The following CFAP74 variants were observed in gnomAD, a reference collection of about 807,000 sequenced individuals.
CFAP74 encodes the protein cilia- and flagella-associated protein 74.
In CFAP74, 124 loss-of-function variants were observed where a neutral mutation model predicts 188.9. The ratio of observed to expected loss-of-function variants is 0.66; its 90% CI spans 0.57 to 0.76. The LOEUF is 0.76. Among genes scored for constraint, CFAP74 ranks in the 30% least tolerant of loss-of-function variants. CFAP74 has a pLI of 0.00. For missense variants in CFAP74, 2,198 were observed against 2,165.2 expected (o/e 1.02, Z -0.30); for synonymous variants, 956 against 916.7 (o/e 1.04, Z -0.77).
chr1:1,951,620 G>A (rs1654207196), intron 18 of CFAP74, among the ~76,000 whole-genome samples: 1 of 152,108 alleles, frequency 6.6e-6, no homozygotes, highest in African/African-American at 2.4e-5. Context: ...GTCACTCTAG[G>A]TCCTCTGGTT....
In CFAP74 at chr1:1,968,042, A is replaced by G. The variant is rs76424347; in HGVS notation, c.1245+593T>C. ...TGAATGAGTGAATGAGTGAATGAAT[A>G]AGTGTATCAGTGAGTGAGTGAATGA... On this transcript the variant is annotated intron_variant, in intron 11 of 38. Transcript: ENST00000682832. This position sits in a 1 kb window ranked among gnomAD's most constrained non-coding sequence, Gnocchi z 4.3. Among the ~76,000 whole-genome samples the G allele has an allele frequency of 6.6e-6, 1 of 151,824 alleles. No homozygotes were observed. The highest frequency in any genetic ancestry group is 1.5e-5 in the Non-Finnish European group (1 of 67,980).
In CFAP74 at chr1:1,968,623, C is replaced by A; in HGVS notation, c.1245+12G>T. ...TGTGCGGCTTCTGTCTACAGGAAGG[C>A]GTTTTGCTCACCAGTGTGTACGTGT... On this transcript the variant is annotated intron_variant, in intron 11 of 38. Coordinates refer to ENST00000682832, the MANE Select transcript of CFAP74 (RefSeq NM_001304360.2). This position sits in a 1 kb window ranked among gnomAD's most constrained non-coding sequence, Gnocchi z 4.3. The A allele has an allele frequency of 6.2e-7, 1 of 1,610,238 alleles. No individual in the cohort carries two copies. Among genetic ancestry groups the A allele is most frequent in the South Asian group, 1.1e-5 (1 of 90,906 alleles).
In CFAP74 at chr1:1,939,214, A is replaced by ATG. The variant is rs797008077; in HGVS notation, c.2878-228_2878-227dup. ...AGCATGTGCATGTGTGTGCACGCAT[A>ATG]TGTGTGTGTGTGCTGGGGGGAGAGA... On this transcript the variant is annotated intron_variant, in intron 24 of 38. Coordinates refer to ENST00000682832, the MANE Select transcript of CFAP74 (RefSeq NM_001304360.2). 2.1e-3 allele frequency among the ~76,000 whole-genome samples: 320 copies of ATG among 152,188 alleles called. 1 individual carries two copies. The highest frequency in any genetic ancestry group is 7.3e-3 in the African/African-American group (305 of 41,526).
At chr1:1,927,411 G>A in intron 28 of CFAP74, 196 bp downstream of exon 28, 1 of 615,356 alleles carries the variant, frequency 1.6e-6, no homozygotes. Flanking sequence ...GTGCAGGGGT[G>A]TCAGGCCTGG....
Position 1,942,836 on chromosome 1 carries a change from C to A in CFAP74, c.2487-680G>T, listed in dbSNP as rs1349723342. Among the ~76,000 whole-genome samples, 1 of 152,200 alleles carries A rather than the reference C, an allele frequency of 6.6e-6. No individual in the cohort carries two copies. The highest frequency in any genetic ancestry group is 1.5e-5 in the Non-Finnish European group (1 of 68,034). On this transcript the variant is annotated intron_variant, in intron 21 of 38. Coordinates refer to ENST00000682832, the MANE Select transcript of CFAP74 (RefSeq NM_001304360.2). The surrounding 1 kb of genome is among the most constrained non-coding windows in gnomAD (Gnocchi z 4.3). ...GCCGCCCCGCCACAGCTGCCCCGGGCAATCCACGAGGGGGGACCCAGAGGG... is the reference window on the plus strand; with the variant it reads ...GCCGCCCCGCCACAGCTGCCCCGGGAAATCCACGAGGGGGGACCCAGAGGG...
intron 33 of CFAP74, 68 bp from the exon 34 acceptor site, chr1:1,924,588 GC>G (rs1651705086): frequency 6.5e-7 from 1 of 1,529,230 alleles, no homozygotes; most frequent in Non-Finnish European, 8.8e-7. Context: ...TGTCGTCGGT[GC>G]CCAGGACTTG....
chr1:1,979,285 G>A (rs1309428821), intron 6 of CFAP74, among the ~76,000 whole-genome samples: 1 of 132,230 alleles, frequency 7.6e-6, no homozygotes, highest in Middle Eastern at 4.6e-3. Context: ...CATGTGACGA[G>A]GCTGCACAGA....
chr1:1,932,332 G>A (rs557435754), intron 25 of CFAP74, among the ~76,000 whole-genome samples: 4 of 150,890 alleles, frequency 2.7e-5, no homozygotes, highest in African/African-American at 7.3e-5. Context: ...AGGAGGCGGA[G>A]CTTGCAGTGA....
At chr1:1,936,114 G>A (rs1652872041) in intron 25 of CFAP74, among the ~76,000 whole-genome samples, 1 of 151,962 alleles carries the variant, frequency 6.6e-6, no homozygotes, top group African/African-American at 2.4e-5. Context: ...CTACTCAGGA[G>A]GCTGAGGCAG....
rs370110560 is a variant in CFAP74 at position 1,938,558 on chromosome 1, TCA to T, written c.3011+295_3011+296del. Among the ~76,000 whole-genome samples the T allele has an allele frequency of 9.8e-3, 1,477 of 151,060 alleles. 27 individuals are homozygous for T. Among genetic ancestry groups the T allele is most frequent in the African/African-American group, 0.032 (1,326 of 41,210 alleles). On this transcript the variant is annotated intron_variant, in intron 25 of 38. Coordinates refer to ENST00000682832, the MANE Select transcript of CFAP74 (RefSeq NM_001304360.2). ...CAGTGATACGTCTGCGCACACACGT[TCA>T]CACACACACACAGGCACACTCGCCT...
In CFAP74 at chr1:1,928,864, C is replaced by G. The variant is rs1280036661; in HGVS notation, c.3307G>C (p.Ala1103Pro). Residue 1103 changes from alanine (A) to proline (P), a missense_variant, in exon 27 of 39, where the codon GCC (alanine) becomes CCC (proline). Physicochemically the swap from Ala to Pro is conservative, Grantham distance 27. Coordinates refer to ENST00000682832, the MANE Select transcript of CFAP74 (RefSeq NM_001304360.2). ...WPGKRCLVQVAFRPVLPEKLI... is the reference protein window; with the variant it reads ...WPGKRCLVQVPFRPVLPEKLI... ...TTCTCGGGCAGCACTGGCCGGAAGG[C>G]CACCTGGACCAGGCACCTCTGAGGA... 4 of 1,535,584 alleles carry G rather than the reference C, an allele frequency of 2.6e-6. No individual in the cohort carries two copies. Among genetic ancestry groups the G allele is most frequent in the Non-Finnish European group, 3.5e-6 (4 of 1,146,636 alleles).
At chr1:1,974,765 C>T (rs1360690147) in intron 6 of CFAP74, among the ~76,000 whole-genome samples, 2 of 152,258 alleles carry the variant, frequency 1.3e-5, no homozygotes, top group Admixed American at 6.5e-5. Context: ...CCAGATGACA[C>T]AGTGCCCCTT....
intron 17 of CFAP74, among the ~76,000 whole-genome samples, chr1:1,956,158 C>G (rs1243887256): frequency 6.6e-6 from 1 of 152,248 alleles, no homozygotes; most frequent in African/African-American, 2.4e-5. Context: ...CCTCCTTCCT[C>G]CTTGGCTGGC....
rs867137685 is a variant in CFAP74, at chr1:1,993,209, A to G, written c.-19-2234T>C. Among the ~76,000 whole-genome samples the G allele has an allele frequency of 9.9e-5, 15 of 151,994 alleles. No homozygotes were observed. In the South Asian group the frequency reaches 2.5e-3, roughly 25 times the overall value. On this transcript the variant is annotated intron_variant, in intron 1 of 38. Transcript: ENST00000682832. ...GGGGAAGACTGTCTCAAAAAAAAAA[A>G]AAAAAAAAAGAAACAATGTTAAAAT... is the stretch of plus-strand genomic sequence containing the variant.
Position 1,968,671 on chromosome 1 carries a change from G to A in CFAP74, c.1209C>T (p.Cys403=), listed in dbSNP as rs1655653296. Residue 403 remains cysteine (C), a synonymous_variant, in exon 11 of 39, where the codon TGC becomes TGT. Transcript: ENST00000682832. The surrounding 1 kb of genome is among the most constrained non-coding windows in gnomAD (Gnocchi z 4.3). ...TGTTGGTTGGGACTGTGGTCTTCTT[G>A]CAAAAGTCAGAAATGTAGTTCCAGG... ...DKTWNYISDF[C]KKTTVPTNTY... 3 of 1,589,900 alleles carry A rather than the reference G, an allele frequency of 1.9e-6. No individual in the cohort carries two copies. Among genetic ancestry groups the A allele is most frequent in the African/African-American group, 1.4e-5 (1 of 73,380 alleles).
At chr1:1,924,370 C>T in intron 34 of CFAP74, 21 bp downstream of exon 34, 2 of 218,766 alleles carry the variant, frequency 9.1e-6, no homozygotes, top group South Asian at 2.8e-5. Flanking sequence ...GCTCACCACC[C>T]ACCCCCCACC....
intron 25 of CFAP74, among the ~76,000 whole-genome samples, chr1:1,932,420 A>T (rs1297619307): frequency 6.6e-6 from 1 of 151,630 alleles, no homozygotes; most frequent in Non-Finnish European, 1.5e-5. Flanking sequence ...AAGAAAAGAA[A>T]AATGTAGTGA....
chr1:1,993,068 G>A (rs968763011), intron 1 of CFAP74, among the ~76,000 whole-genome samples: 4 of 151,414 alleles, frequency 2.6e-5, no homozygotes, highest in Non-Finnish European at 2.9e-5. Flanking sequence ...AGGTATGGTG[G>A]CAGGCACCTG....
At chr1:1,990,833 T>G in intron 2 of CFAP74, 57 bp downstream of exon 2, 3 of 1,350,288 alleles carry the variant, frequency 2.2e-6, no homozygotes, top group Non-Finnish European at 3.2e-6. Flanking sequence ...CTATGAAGCA[T>G]GTCATTTGTT....
Sources: allele counts gnomAD v4.1 joint callset (sites outside exome capture counted in the v4.1 genomes callset), GRCh38; gene constraint gnomAD v4.1.1; non-coding constraint Gnocchi (gnomAD v3.1); transcripts MANE v1.5; gene names NCBI Gene and HGNC (gene_info 2026-07-23, HGNC 2026-07-21).